Variants in CARM1 observed in about 807,000 individuals in gnomAD.
CARM1 encodes the protein histone-arginine methyltransferase CARM1.
A neutral mutation model predicts 72.7 loss-of-function variants in CARM1; 14 were observed. The ratio of observed to expected loss-of-function variants is 0.19; its 90% CI spans 0.13 to 0.30. The LOEUF is 0.30. CARM1 is among the 10% of genes least tolerant of loss of function. The pLI is 1.00. For missense variants in CARM1, 432 were observed against 833.7 expected, an observed-to-expected ratio of 0.52 and a Z score of 5.93; for synonymous variants, 333 against 345.5, an observed-to-expected ratio of 0.96 and a Z score of 0.40.
At chr19:10,904,828 G>A in intron 1 of CARM1, 123 bp from the exon 2 acceptor site, 2 of 1,357,886 alleles carry the variant, frequency 1.5e-6, no homozygotes, top group South Asian at 2.6e-5. Flanking sequence ...GGGTGGTTTT[G>A]TGGCACTCTG....
intron 1 of CARM1, among the ~76,000 whole-genome samples, chr19:10,886,565 C>T (rs544459531): frequency 7.7e-4 from 116 of 150,902 alleles, no homozygotes; most frequent in African/African-American, 2.8e-3. Context: ...CGGTGGCTCA[C>T]GCCTGTAATC....
At position 10,921,645 on chromosome 19, in the gene CARM1, G is replaced by A. The variant is rs1018844894; in HGVS notation, c.1715G>A (p.Gly572Asp). ...TCCGGCGCCCAGGGCAGTGGTGGTGGCAGCACGAGTGCCCACTATGCAGTC... is the reference window on the plus strand; with the variant it reads ...TCCGGCGCCCAGGGCAGTGGTGGTGACAGCACGAGTGCCCACTATGCAGTC... ...GSSGAQGSGG[G>D]STSAHYAVNS... The change falls in exon 16 of 16, where the codon GGC becomes GAC. Residue 572 changes from glycine (G) to aspartate (D), a missense_variant. By Grantham distance (94) the Gly-to-Asp change is moderately conservative. This residue lies in a region of CARM1 where 142 missense variants were observed against 188.7 expected (regional missense o/e 0.75). Coordinates refer to ENST00000327064, the MANE Select transcript of CARM1 (RefSeq NM_199141.2). 4 of 1,613,312 alleles carry A rather than the reference G, an allele frequency of 2.5e-6. No individual in the cohort carries two copies. Among genetic ancestry groups the A allele is most frequent in the Non-Finnish European group, 3.4e-6 (4 of 1,179,696 alleles).
chr19:10,874,341 A>AT (rs916450737), intron 1 of CARM1, among the ~76,000 whole-genome samples: 13 of 148,322 alleles, frequency 8.8e-5, no homozygotes, highest in South Asian at 2.2e-4. Flanking sequence ...TTCTGAAATA[A>AT]TTTTTTTTTA....
chr19:10,891,189 G>A (rs575802019), intron 1 of CARM1, among the ~76,000 whole-genome samples: 49 of 152,172 alleles, frequency 3.2e-4, no homozygotes, highest in Non-Finnish European at 5.3e-4. Flanking sequence ...CTGGTGTTTT[G>A]TGCCAATGCC....
At chr19:10,921,497 G>A (rs546866384) in intron 15 of CARM1, 54 bp downstream of exon 15, 14 of 1,572,838 alleles carry the variant, frequency 8.9e-6, no homozygotes, top group South Asian at 1.2e-5. Context: ...CGTGTGAGTC[G>A]CCATCCTCTG....
Position 10,920,752 on chromosome 19 carries a change from G to A in CARM1, c.1424+4G>A, listed in dbSNP as rs745858398. The A allele has an allele frequency of 2.5e-6, 4 of 1,614,070 alleles. No homozygotes were observed. Reference sequence around the variant, plus strand: ...ATCTGAAAAACCCCTTCTTTAGGTAGGAGGGGCCCCTTGCCTGCACAGGGG... The same window carrying A: ...ATCTGAAAAACCCCTTCTTTAGGTAAGAGGGGCCCCTTGCCTGCACAGGGG... On this transcript the variant is annotated splice_donor_region_variant and intron_variant, in intron 12 of 15. Coordinates refer to ENST00000327064, the MANE Select transcript of CARM1 (RefSeq NM_199141.2). The surrounding 1 kb of genome is among the most constrained non-coding windows in gnomAD (Gnocchi z 5.3).
In CARM1 at chr19:10,909,167, A is replaced by G. The variant is rs768739323; in HGVS notation, c.518A>G (p.Gln173Arg). ...MQDYVRTGTYQRAILQNHTDF... is the reference protein window; with the variant it reads ...MQDYVRTGTYRRAILQNHTDF... ...GACTACGTGCGGACAGGCACCTACCAGCGCGCCATCCTGCAAAACCACACC... is the reference window on the plus strand; with the variant it reads ...GACTACGTGCGGACAGGCACCTACCGGCGCGCCATCCTGCAAAACCACACC... The change falls in exon 4 of 16, where the codon CAG becomes CGG. Residue 173 changes from glutamine (Q) to arginine (R), a missense_variant. By Grantham distance (43) the Gln-to-Arg change is conservative. Transcript: ENST00000327064. The G allele has an allele frequency of 6.2e-7, 1 of 1,613,834 alleles. No individual in the cohort carries two copies. The highest frequency in any genetic ancestry group is 1.7e-5 in the Admixed American group (1 of 60,024).
At chr19:10,880,226 A>G (rs998372502) in intron 1 of CARM1, among the ~76,000 whole-genome samples, 1 of 152,220 alleles carries the variant, frequency 6.6e-6, no homozygotes, top group African/African-American at 2.4e-5. Flanking sequence ...CATCCAGGGA[A>G]GCAGCCACTT....
Position 10,896,875 on chromosome 19 carries a change from G to A in CARM1, c.221-8076G>A, listed in dbSNP as rs2074027642. Among the ~76,000 whole-genome samples, 4 of 152,222 alleles carry A rather than the reference G, an allele frequency of 2.6e-5. No individual in the cohort carries two copies. The stretch of plus-strand genomic sequence containing the variant: ...TGCCGAGTGCCTAGTGAGCAGATAG[G>A]GAAGTGGGTGGCGAGGATGCTGAGG... On this transcript the variant is annotated intron_variant, in intron 1 of 15. Transcript: ENST00000327064. The surrounding 1 kb of genome is among the most constrained non-coding windows in gnomAD (Gnocchi z 5.2).
At position 10,921,392 on chromosome 19, in the gene CARM1, A is replaced by G. The variant is rs145958124; in HGVS notation, c.1633A>G (p.Asn545Asp). 2 of 1,609,086 alleles carry G rather than the reference A, an allele frequency of 1.2e-6. No homozygotes were observed. The highest frequency in any genetic ancestry group is 1.7e-6 in the Non-Finnish European group (2 of 1,178,684). Reference protein sequence around the residue: ...LIPLANTGIVNHTHSRMGSIM... With the variant: ...LIPLANTGIVDHTHSRMGSIM... ...CTGCGCAGCCAACACGGGGATTGTC[A>G]ATCACACCCACTCCCGGATGGGCTC... The change falls in exon 15 of 16, where the codon AAT (asparagine) becomes GAT (aspartate). Residue 545 changes from asparagine (N) to aspartate (D), a missense_variant. Transcript: ENST00000327064.
At chr19:10,877,856 T>C (rs1436360566) in intron 1 of CARM1, among the ~76,000 whole-genome samples, 1 of 152,178 alleles carries the variant, frequency 6.6e-6, no homozygotes, top group East Asian at 1.9e-4. Context: ...GCCTCCCGAG[T>C]AGCTGGGATT....
intron 4 of CARM1, among the ~76,000 whole-genome samples, chr19:10,910,475 C>G (rs1033975461): frequency 6.6e-6 from 1 of 150,670 alleles, no homozygotes. Flanking sequence ...AGCAAGACTC[C>G]GTCTTAAAAA....
intron 2 of CARM1, among the ~76,000 whole-genome samples, chr19:10,906,653 G>A (rs948419984): frequency 4.6e-5 from 7 of 151,436 alleles, no homozygotes; most frequent in East Asian, 2.0e-4. Flanking sequence ...TAGTAGAGAC[G>A]GGGGTTTCAC....
Position 10,916,630 on chromosome 19 carries a change from G to A in CARM1, c.939-66G>A. The A allele has an allele frequency of 2.1e-6, 3 of 1,445,616 alleles. No homozygotes were observed. Among genetic ancestry groups the A allele is most frequent in the Non-Finnish European group, 2.9e-6 (3 of 1,051,112 alleles). The allele number at this position is 1,445,616 out of a possible 1,614,324, so 89.5% of individuals were successfully genotyped here. ...AGATGAGGGCTGACTGGGAGAGAAG[G>A]CAGGGCTACCCCACCTGCCTCTTCT... is the stretch of plus-strand genomic sequence containing the variant. On this transcript the variant is annotated intron_variant, in intron 7 of 15. Coordinates refer to ENST00000327064, the MANE Select transcript of CARM1 (RefSeq NM_199141.2). This position sits in a 1 kb window ranked among gnomAD's most constrained non-coding sequence, Gnocchi z 4.4.
At chr19:10,880,689 G>A (rs887331652) in intron 1 of CARM1, among the ~76,000 whole-genome samples, 5 of 152,128 alleles carry the variant, frequency 3.3e-5, no homozygotes, top group African/African-American at 1.2e-4. Flanking sequence ...TCTGTGGATG[G>A]CCCCTGGGGG....
intron 1 of CARM1, among the ~76,000 whole-genome samples, chr19:10,891,516 GA>G (rs1802249458): frequency 6.6e-6 from 1 of 152,182 alleles, no homozygotes; most frequent in African/African-American, 2.4e-5. Flanking sequence ...CCAAGCTGAG[GA>G]AAGCAGGGCT....
chr19:10,887,752 T>G (rs2073952085), intron 1 of CARM1, among the ~76,000 whole-genome samples: 1 of 152,162 alleles, frequency 6.6e-6, no homozygotes, highest in Admixed American at 6.5e-5. Flanking sequence ...CTCAGACTCT[T>G]TCAAGAGGTG....
chr19:10,883,873 C>G (rs540760422), intron 1 of CARM1, among the ~76,000 whole-genome samples: 4 of 151,636 alleles, frequency 2.6e-5, no homozygotes, highest in Admixed American at 2.6e-4. Flanking sequence ...CAAAAATTAG[C>G]TGGGCGCGGT....
rs954861055 is a variant in CARM1, at chr19:10,912,619, C to T, written c.669+325C>T. 4.6e-5 allele frequency among the ~76,000 whole-genome samples: 7 copies of T among 151,830 alleles called. No individual in the cohort carries two copies. The highest frequency in any genetic ancestry group is 1.7e-4 in the African/African-American group (7 of 41,336). On this transcript the variant is annotated intron_variant, in intron 5 of 15. Coordinates refer to ENST00000327064, the MANE Select transcript of CARM1 (RefSeq NM_199141.2). This position sits in a 1 kb window ranked among gnomAD's most constrained non-coding sequence, Gnocchi z 4.5. The stretch of plus-strand genomic sequence containing the variant: ...CTCTCCTTCCCCACCCCAGCTCCCA[C>T]CCCCAGCCCCATCATGAGAGAGGAG...
Sources: gnomAD v4.1 joint callset for allele counts (sites outside exome capture counted in the v4.1 genomes callset) on GRCh38, gnomAD v4.1.1 for gene constraint, gnomAD v4.1.1 regional missense constraint, Gnocchi (gnomAD v3.1) non-coding constraint, MANE v1.5 for transcripts, NCBI Gene and HGNC (gene_info 2026-07-23, HGNC 2026-07-21) for gene names.